ST8SIA1: variants seen among roughly 807,000 people sequenced by gnomAD.
The protein encoded by ST8SIA1 is ST8 alpha-N-acetyl-neuraminide alpha-2,8-sialyltransferase 1, also known as alpha-N-acetylneuraminide alpha-2,8-sialyltransferase.
Under a neutral mutation model 35.9 loss-of-function variants are expected in ST8SIA1, and 16 were observed. The ratio of observed to expected loss-of-function variants is 0.45; its 90% CI spans 0.30 to 0.68. The LOEUF (loss-of-function observed/expected upper bound fraction) is 0.68. Among genes scored for constraint, ST8SIA1 ranks in the 30% least tolerant of loss-of-function variants. The pLI, the probability that ST8SIA1 is intolerant of heterozygous loss-of-function variation, is 0.09. For synonymous variants in ST8SIA1, 170 were observed against 169.6 expected (o/e 1.00, Z -0.02); for missense variants, 383 against 453.6 (o/e 0.84, Z 1.41).
At chr12:22,208,420 A>T (rs1865140270) in intron 4 of ST8SIA1, among the ~76,000 whole-genome samples, 1 of 152,146 alleles carries the variant, frequency 6.6e-6, no homozygotes, top group Non-Finnish European at 1.5e-5. Flanking sequence ...AGCAGGAATC[A>T]TATATTAAAA....
At chr12:22,222,290 C>G (rs1435548091) in intron 4 of ST8SIA1, among the ~76,000 whole-genome samples, 1 of 152,136 alleles carries the variant, frequency 6.6e-6, no homozygotes, top group Non-Finnish European at 1.5e-5. Flanking sequence ...AGATCACATG[C>G]TAAGTTGGAA....
intron 2 of ST8SIA1, among the ~76,000 whole-genome samples, chr12:22,274,351 G>T (rs1029759452): frequency 1.3e-5 from 2 of 152,142 alleles, no homozygotes; most frequent in African/African-American, 2.4e-5. Flanking sequence ...GATACAAAAA[G>T]CCCAGAAGAT....
At chr12:22,228,955 G>A (rs1293895387) in intron 4 of ST8SIA1, among the ~76,000 whole-genome samples, 1 of 151,604 alleles carries the variant, frequency 6.6e-6, no homozygotes, top group Non-Finnish European at 1.5e-5. Context: ...TCAGGAGGAT[G>A]AGGCAGGAGA....
In ST8SIA1 at chr12:22,201,802, G is replaced by A; in HGVS notation, c.821C>T (p.Ser274Phe). ...TGCGCTCACCAGAAAAAGTCCTGTGGACAGGCGCTTGGCATGGATTCCTCT... is the reference window on the plus strand; with the variant it reads ...TGCGCTCACCAGAAAAAGTCCTGTGAACAGGCGCTTGGCATGGATTCCTCT... ...KSRGIHAKRLSTGLFLVSAAL... is the reference protein window; with the variant it reads ...KSRGIHAKRLFTGLFLVSAAL... The change falls in exon 5 of 5, where the codon TCC becomes TTC. Residue 274 changes from serine to phenylalanine, a missense_variant. Transcript: ENST00000396037. 1 of 1,614,158 alleles carries A rather than the reference G, an allele frequency of 6.2e-7. No homozygotes were observed. The highest frequency in any genetic ancestry group is 1.3e-5 in the African/African-American group (1 of 75,056).
chr12:22,276,546 C>A (rs1865970824), intron 2 of ST8SIA1, among the ~76,000 whole-genome samples: 1 of 152,112 alleles, frequency 6.6e-6, no homozygotes, highest in East Asian at 1.9e-4. Flanking sequence ...CCAAGGTGGC[C>A]AGATGGTTCC....
At chr12:22,301,346 C>T (rs1866316594) in intron 1 of ST8SIA1, among the ~76,000 whole-genome samples, 1 of 151,894 alleles carries the variant, frequency 6.6e-6, no homozygotes, top group African/African-American at 2.4e-5. Context: ...ACAGACTAAA[C>T]TAATAGAAGA....
At position 22,307,551 on chromosome 12, in the gene ST8SIA1, G is replaced by C. The variant is rs540236767; in HGVS notation, c.237-20258C>G. Among the ~76,000 whole-genome samples, 3 of 152,252 alleles carry C rather than the reference G, an allele frequency of 2.0e-5. No individual in the cohort carries two copies. In the East Asian group the frequency reaches 5.8e-4, roughly 29 times the overall value. ...CTCCTTGCACCTGTGGGTAGGGGGA[G>C]AGCAGACACACTTCCAGCCCATCTT... On this transcript the variant is annotated intron_variant, in intron 1 of 4. Transcript: ENST00000396037.
Position 22,333,997 on chromosome 12 carries a change from C to T in ST8SIA1, c.236G>A (p.Arg79Lys). 1 of 1,613,776 alleles carries T rather than the reference C, an allele frequency of 6.2e-7. No homozygotes were observed. The highest frequency in any genetic ancestry group is 1.6e-4 in the Middle Eastern group (1 of 6,062). The change falls in exon 1 of 5, where the codon AGG becomes AAG. Residue 79 changes from arginine to lysine, a missense_variant and splice_region_variant. Physicochemically the swap from Arg to Lys is conservative, Grantham distance 26 (BLOSUM62 2). Coordinates refer to ENST00000396037, the MANE Select transcript of ST8SIA1 (RefSeq NM_003034.4). Reference protein sequence around the residue: ...RRNQTAARAFRKQMEDCCDPA... With the variant: ...RRNQTAARAFKKQMEDCCDPA... ...GGAGGAGCCGCGAGGGCAGGAGTAC[C>T]TGAACGCTCTGGCCGCGGTCTGGTT...
At chr12:22,290,623 A>T (rs1866162654) in intron 1 of ST8SIA1, among the ~76,000 whole-genome samples, 1 of 152,170 alleles carries the variant, frequency 6.6e-6, no homozygotes, top group African/African-American at 2.4e-5. Flanking sequence ...GGTTGTTTGG[A>T]AAAAGGAGGA....
At chr12:22,241,878 C>G (rs1232312870) in intron 4 of ST8SIA1, among the ~76,000 whole-genome samples, 2 of 152,012 alleles carry the variant, frequency 1.3e-5, no homozygotes, top group African/African-American at 4.8e-5. Flanking sequence ...TTCCTCCTCC[C>G]CCCCATAAAC....
intron 2 of ST8SIA1, among the ~76,000 whole-genome samples, chr12:22,270,875 A>G (rs573291709): frequency 6.6e-6 from 1 of 152,380 alleles, no homozygotes; most frequent in South Asian, 2.1e-4. Flanking sequence ...GGAGTCGTAA[A>G]CAGTTGACAT....
intron 2 of ST8SIA1, among the ~76,000 whole-genome samples, chr12:22,273,795 C>T (rs1174011565): frequency 1.3e-5 from 2 of 152,170 alleles, no homozygotes; most frequent in African/African-American, 2.4e-5. Flanking sequence ...TGAATCTCTA[C>T]CATGTCTCAA....
intron 1 of ST8SIA1, among the ~76,000 whole-genome samples, chr12:22,329,813 C>T (rs923107776): frequency 6.6e-6 from 1 of 152,166 alleles, no homozygotes; most frequent in Admixed American, 6.5e-5. Context: ...GGTTACCACC[C>T]AATGAGTCGA....
intron 4 of ST8SIA1, among the ~76,000 whole-genome samples, chr12:22,232,762 C>A (rs1865434172): frequency 6.6e-6 from 1 of 152,002 alleles, no homozygotes; most frequent in African/African-American, 2.4e-5. Context: ...TGGTTTGAAC[C>A]CGGGAGGCGG....
intron 4 of ST8SIA1, among the ~76,000 whole-genome samples, chr12:22,242,452 C>A (rs1260598910): frequency 1.3e-5 from 2 of 152,044 alleles, no homozygotes; most frequent in Non-Finnish European, 2.9e-5. Flanking sequence ...GAAATTCTGA[C>A]AATATATATA....
At chr12:22,328,434 T>C (rs962395901) in intron 1 of ST8SIA1, among the ~76,000 whole-genome samples, 7 of 152,202 alleles carry the variant, frequency 4.6e-5, no homozygotes, top group Admixed American at 4.6e-4. Context: ...GGCAGGCAAG[T>C]GCACTCATAT....
At chr12:22,244,393 A>C (rs925012197) in intron 4 of ST8SIA1, among the ~76,000 whole-genome samples, 4 of 152,080 alleles carry the variant, frequency 2.6e-5, no homozygotes, top group Non-Finnish European at 5.9e-5. Flanking sequence ...GTGACTACTT[A>C]TTGTTCCTTA....
chr12:22,287,180 AT>A lies in ST8SIA1; in HGVS notation c.349del (p.Ile117LeufsTer19). On this transcript the variant is annotated frameshift_variant, in exon 2 of 5. Transcript: ENST00000396037. LOFTEE classifies it high-confidence loss of function. ...YDGEFLYSFT[I>X]DNSTYSLFPQ... ...GAAGAGAGAGTAAGTTGAATTGTCA[AT>A]GGTGAATGAGTATAAAAACTCCCCG... 1 of 1,614,124 alleles carries A rather than the reference AT, an allele frequency of 6.2e-7. No individual in the cohort carries two copies. The highest frequency in any genetic ancestry group is 8.5e-7 in the Non-Finnish European group (1 of 1,179,962).
intron 2 of ST8SIA1, among the ~76,000 whole-genome samples, chr12:22,261,031 C>T (rs1450292569): frequency 2.0e-5 from 3 of 151,934 alleles, no homozygotes; most frequent in African/African-American, 7.3e-5. Context: ...CATGTACCAC[C>T]ATGCCTGGCT....
Sources: allele counts gnomAD v4.1 joint callset (sites outside exome capture counted in the v4.1 genomes callset), GRCh38; gene constraint gnomAD v4.1.1; transcripts MANE v1.5; gene names NCBI Gene and HGNC (gene_info 2026-07-23, HGNC 2026-07-21).